SH3BP1: variants seen among roughly 807,000 people sequenced by gnomAD.
SH3BP1 encodes the protein SH3 domain binding protein 1.
SH3BP1 carries 46 observed loss-of-function variants against 69.8 expected under a neutral mutation model. That is an observed-to-expected ratio of 0.66 (90% CI 0.52 to 0.84). The LOEUF is 0.84. Among genes scored for constraint, SH3BP1 ranks in the 40% least tolerant of loss-of-function variants. The probability of loss-of-function intolerance (pLI) is 0.00; values close to 1 mark genes in which losing one functional copy is unlikely to be tolerated. For missense variants in SH3BP1, 868 were observed against 930.9 expected (o/e 0.93, Z 0.88); for synonymous variants, 403 against 378.0 (o/e 1.07, Z -0.77).
At position 37,655,348 on chromosome 22, in the gene SH3BP1, G is replaced by C. The variant is rs762989; in HGVS notation, c.1770G>C (p.Pro590=). ...VSGSRSSPPA[P]PLPPGSGSPG... ...GCTCCCGCTCCTCCCCTCCAGCCCCGCCCTTGCCCCCTGGCTCTGGCAGCC... is the reference window on the plus strand; with the variant it reads ...GCTCCCGCTCCTCCCCTCCAGCCCCCCCCTTGCCCCCTGGCTCTGGCAGCC... Residue 590 remains proline (P), a synonymous_variant, in exon 18 of 18, where the codon CCG becomes CCC. Transcript: ENST00000649765. The C allele has an allele frequency of 4.4e-5, 43 of 976,240 alleles. No homozygotes were observed. The highest frequency in any genetic ancestry group is 1.0e-4 in the South Asian group (4 of 38,680). 60.5% of individuals were successfully genotyped at this position (976,240 alleles called of 1,614,324 possible).
intron 9 of SH3BP1, 130 bp from the exon 10 acceptor site, chr22:37,645,235 A>G: frequency 8.1e-7 from 1 of 1,228,448 alleles, no homozygotes; most frequent in South Asian, 1.4e-5. Flanking sequence ...GATGTGACGG[A>G]TGATTTCAGA....
chr22:37,645,164 C>T, intron 9 of SH3BP1: 1 of 838,762 alleles, frequency 1.2e-6, no homozygotes, highest in Non-Finnish European at 1.8e-6. Flanking sequence ...GCCTGTGAGG[C>T]AGAAGGAGGC....
Position 37,656,042 on chromosome 22 carries a change from G to A in SH3BP1, c.*358G>A, listed in dbSNP as rs1933037702. 1 of 1,391,766 alleles carries A rather than the reference G, an allele frequency of 7.2e-7. No individual in the cohort carries two copies. Among genetic ancestry groups the A allele is most frequent in the African/African-American group, 1.4e-5 (1 of 69,562 alleles). 86.2% of individuals were successfully genotyped at this position (1,391,766 alleles called of 1,614,324 possible). ...AAATAAATTATTTTGGACAAAACTG[G>A]AGCAGCTGCCCAAATGATAGTTTTA... On this transcript the variant is annotated 3_prime_UTR_variant, in exon 18 of 18. Transcript: ENST00000649765.
chr22:37,650,314 T>C, intron 15 of SH3BP1, 65 bp downstream of exon 15: 1 of 1,538,210 alleles, frequency 6.5e-7, no homozygotes, highest in Non-Finnish European at 8.8e-7. Context: ...CCCTCCCCTG[T>C]AGCCCCACAA....
chr22:37,643,620 A>C, intron 6 of SH3BP1, 24 bp from the exon 7 acceptor site: 2 of 1,614,086 alleles, frequency 1.2e-6, no homozygotes, highest in Non-Finnish European at 1.7e-6. Flanking sequence ...GCAGGTGACC[A>C]GCTCACCTTG....
intron 3 of SH3BP1, chr22:37,641,880 C>T: frequency 4.7e-6 from 1 of 211,894 alleles, no homozygotes; most frequent in Non-Finnish European, 9.7e-6. Context: ...TTGTTACTAA[C>T]ATATGAGTGC....
chr22:37,645,232 C>T (rs910692818), intron 9 of SH3BP1, 133 bp from the exon 10 acceptor site: 13 of 1,213,022 alleles, frequency 1.1e-5, no homozygotes, highest in Middle Eastern at 2.4e-4. Context: ...AGAGATGTGA[C>T]GGATGATTTC....
intron 6 of SH3BP1, 195 bp downstream of exon 6, chr22:37,643,369 C>A: frequency 1.5e-6 from 1 of 665,820 alleles, no homozygotes; most frequent in Non-Finnish European, 2.6e-6. Context: ...TGTGTCACAG[C>A]TGGTGCTGGG....
At chr22:37,651,789 A>G (rs1246223243) in intron 16 of SH3BP1, among the ~76,000 whole-genome samples, 1 of 151,928 alleles carries the variant, frequency 6.6e-6, no homozygotes, top group East Asian at 1.9e-4. Context: ...GCACAGGGAG[A>G]GAGAGAGACA....
intron 1 of SH3BP1, 65 bp from the exon 2 acceptor site, chr22:37,641,061 G>A (rs1932564864): frequency 9.1e-7 from 1 of 1,101,824 alleles, no homozygotes; most frequent in Non-Finnish European, 1.4e-6. Flanking sequence ...GGGAAGTAGG[G>A]GGCGTTCTAA....
chr22:37,642,288 A>G, intron 3 of SH3BP1: 1 of 514,924 alleles, frequency 1.9e-6, no homozygotes, highest in Non-Finnish European at 3.6e-6. Context: ...CTGCAGTAGG[A>G]CTTGGTCATT....
chr22:37,643,252 C>A, intron 6 of SH3BP1, 78 bp downstream of exon 6: 1 of 1,279,002 alleles, frequency 7.8e-7, no homozygotes, highest in South Asian at 1.3e-5. Context: ...AGGCCCTGGC[C>A]ACACCAGGAG....
rs778600853 is a variant in SH3BP1, at chr22:37,650,603, C to T, written c.1476C>T (p.Asp492=). 17 of 1,614,086 alleles carry T rather than the reference C, an allele frequency of 1.1e-5. No individual in the cohort carries two copies. In the South Asian group the frequency reaches 1.8e-4, roughly 17 times the overall value. Residue 492 remains aspartate, a synonymous_variant, in exon 16 of 18, where the codon GAC becomes GAT. Transcript: ENST00000649765. ...SAVTLQDTVS[D]RLASEELPST... ...TTACCCTCCAGGACACAGTCAGTGA[C>T]AGGCTGGCCTCTGAGGAACTTCCGT...
Position 37,647,496 on chromosome 22 carries a change from C to A in SH3BP1, c.1174C>A (p.Pro392Thr). ...CCTCCAAGAGGTGTGCAGCCGCCTA[C>A]CCCCCGAGAACCTCAGCAACCTCAG... Reference protein sequence around the residue: ...QALQEVCSRLPPENLSNLRYL... With the variant: ...QALQEVCSRLTPENLSNLRYL... Residue 392 changes from proline to threonine, a missense_variant, in exon 13 of 18, where the codon CCC (proline) becomes ACC (threonine). Pro to Thr is a conservative substitution (Grantham distance 38, BLOSUM62 -1). This residue lies in a region of SH3BP1 where 474 missense variants were observed against 462.3 expected (regional missense o/e 1.03). Coordinates refer to ENST00000649765, the MANE Select transcript of SH3BP1 (RefSeq NM_018957.6). 6.2e-7 allele frequency: 1 copy of A among 1,605,476 alleles called. No homozygotes were observed. Among genetic ancestry groups the A allele is most frequent in the Middle Eastern group, 1.7e-4 (1 of 5,956 alleles).
At chr22:37,644,372 C>G (rs1403757532) in intron 7 of SH3BP1, among the ~76,000 whole-genome samples, 4 of 152,250 alleles carry the variant, frequency 2.6e-5, no homozygotes, top group Non-Finnish European at 5.9e-5. Context: ...GTGTGAGACT[C>G]CGTCTCAAAC....
At position 37,655,345 on chromosome 22, in the gene SH3BP1, C is replaced by T. The variant is rs1388452948; in HGVS notation, c.1767C>T (p.Ala589=). ...QVSGSRSSPP[A]PPLPPGSGSP... ...CCGGCTCCCGCTCCTCCCCTCCAGCCCCGCCCTTGCCCCCTGGCTCTGGCA... is the reference window on the plus strand; with the variant it reads ...CCGGCTCCCGCTCCTCCCCTCCAGCTCCGCCCTTGCCCCCTGGCTCTGGCA... Residue 589 remains alanine, a synonymous_variant, in exon 18 of 18, where the codon GCC becomes GCT. Coordinates refer to ENST00000649765, the MANE Select transcript of SH3BP1 (RefSeq NM_018957.6). 1.4e-6 allele frequency: 2 copies of T among 1,470,308 alleles called. No individual in the cohort carries two copies. Among genetic ancestry groups the T allele is most frequent in the Non-Finnish European group, 1.8e-6 (2 of 1,098,012 alleles). The allele number at this position is 1,470,308 out of a possible 1,614,324, so 91.1% of individuals were successfully genotyped here.
intron 14 of SH3BP1, 196 bp downstream of exon 14, chr22:37,648,631 G>T: frequency 1.8e-6 from 1 of 557,308 alleles, no homozygotes; most frequent in Admixed American, 3.0e-5. Context: ...GGCAATTCTG[G>T]CATTTTGGCC....
In SH3BP1 at chr22:37,650,654, CACCCCG is replaced by C. The variant is rs1569010456; in HGVS notation, c.1528_1533del (p.Thr510_Pro511del). The stretch of plus-strand genomic sequence containing the variant: ...CCACTGCCGTGCCCACCCCAGCCAC[CACCCCG>C]GCTCCGGCTCCGGCTCCAGCTCCAG... On this transcript the variant is annotated inframe_deletion, in exon 16 of 18. Transcript: ENST00000649765. 1.2e-6 allele frequency: 2 copies of C among 1,613,830 alleles called. No homozygotes were observed. Among genetic ancestry groups the C allele is most frequent in the Non-Finnish European group, 1.7e-6 (2 of 1,179,838 alleles).
chr22:37,654,219 C>T (rs1195307043), intron 17 of SH3BP1, among the ~76,000 whole-genome samples: 1 of 152,120 alleles, frequency 6.6e-6, no homozygotes, highest in East Asian at 1.9e-4. Flanking sequence ...GTACTGGAGT[C>T]CCGTCCCTCC....
Sources: allele counts gnomAD v4.1 joint callset (sites outside exome capture counted in the v4.1 genomes callset), GRCh38; gene constraint gnomAD v4.1.1; regional missense constraint gnomAD v4.1.1; transcripts MANE v1.5; gene names NCBI Gene and HGNC (gene_info 2026-07-23, HGNC 2026-07-21).